CFHR5: variants seen among roughly 807,000 people sequenced by gnomAD.
The protein encoded by CFHR5 is complement factor H-related protein 5.
Under a neutral mutation model 62.9 loss-of-function variants are expected in CFHR5, and 73 were observed. The observed-to-expected ratio is 1.16, with a 90% CI of 0.96 to 1.41. The LOEUF (loss-of-function observed/expected upper bound fraction) is 1.41. CFHR5 is among the 40% of genes most tolerant of loss of function. The pLI is 0.00. For synonymous variants in CFHR5, 249 were observed against 227.2 expected (o/e 1.10, Z -0.86); for missense variants, 779 against 679.9 (o/e 1.15, Z -1.62).
intron 1 of CFHR5, among the ~76,000 whole-genome samples, chr1:196,978,458 C>T (rs1016333107): frequency 1.3e-5 from 2 of 152,086 alleles, no homozygotes; most frequent in African/African-American, 4.8e-5. Flanking sequence ...TATGTGTGTA[C>T]GTGAAGTTTC....
intron 3 of CFHR5, 97 bp from the exon 4 acceptor site, chr1:196,993,983 T>C (rs1653918173): frequency 5.6e-6 from 5 of 890,844 alleles, no homozygotes; most frequent in Admixed American, 2.0e-5. Context: ...TTTTATACTC[T>C]GTATATGAAG....
chr1:196,994,222 A>G lies in CFHR5; in HGVS notation c.573A>G (p.Gln191=), dbSNP rs754586890. Residue 191 remains glutamine (Q), a synonymous_variant, in exon 4 of 10, where the codon CAA becomes CAG. Coordinates refer to ENST00000256785, the MANE Select transcript of CFHR5 (RefSeq NM_030787.4). ...GATCAGACTCAGTTCAATGTTACCA[A>G]TTTGGGTGGTCACCTAACTTTCCAA... ...RVGSDSVQCY[Q]FGWSPNFPTC... is the part of the protein sequence containing the mutation. The G allele has an allele frequency of 6.2e-7, 1 of 1,613,700 alleles. No individual in the cohort carries two copies. Among genetic ancestry groups the G allele is most frequent in the Non-Finnish European group, 8.5e-7 (1 of 1,179,766 alleles).
intron 1 of CFHR5, among the ~76,000 whole-genome samples, chr1:196,979,487 G>A (rs954448871): frequency 6.6e-6 from 1 of 152,068 alleles, no homozygotes; most frequent in Non-Finnish European, 1.5e-5. Flanking sequence ...GTGGGCAACT[G>A]TAGCACAAAT....
chr1:196,982,864 G>T (rs374698178), intron 1 of CFHR5, 21 bp from the exon 2 acceptor site: 10 of 1,600,070 alleles, frequency 6.2e-6, no homozygotes, highest in Non-Finnish European at 8.6e-6. Context: ...TAATTCTTCA[G>T]TTTTGTGTTA....
At chr1:197,002,799 A>T in intron 8 of CFHR5, 135 bp downstream of exon 8, 1 of 706,706 alleles carries the variant, frequency 1.4e-6, no homozygotes. Flanking sequence ...CTAAGTAACC[A>T]ATTCTGTCAT....
intron 3 of CFHR5, among the ~76,000 whole-genome samples, chr1:196,990,700 C>T (rs1027463606): frequency 6.6e-6 from 1 of 152,104 alleles, no homozygotes; most frequent in African/African-American, 2.4e-5. Flanking sequence ...ATATTGGCCC[C>T]CACTCTCTTC....
rs561907059 is a variant in CFHR5 at position 196,989,887 on chromosome 1, C to T, written c.431-4193C>T. ...GAGTTCTGTAGATGTCTATTAGGTCCGCTTGGTGCAGAGCTGATTTCAAGT... is the reference window on the plus strand; with the variant it reads ...GAGTTCTGTAGATGTCTATTAGGTCTGCTTGGTGCAGAGCTGATTTCAAGT... On this transcript the variant is annotated intron_variant, in intron 3 of 9. Transcript: ENST00000256785. 9.9e-5 allele frequency among the ~76,000 whole-genome samples: 15 copies of T among 152,116 alleles called. No individual in the cohort carries two copies. In the South Asian group the frequency reaches 2.1e-3, roughly 21 times the overall value.
intron 2 of CFHR5, 111 bp downstream of exon 2, chr1:196,983,190 G>A: frequency 7.2e-7 from 1 of 1,396,792 alleles, no homozygotes; most frequent in Non-Finnish European, 1.0e-6. Context: ...CAGAGGAGCT[G>A]GAAAAATGGG....
At chr1:196,980,522 G>A (rs776161921) in intron 1 of CFHR5, among the ~76,000 whole-genome samples, 3 of 152,018 alleles carry the variant, frequency 2.0e-5, no homozygotes, top group Admixed American at 1.3e-4. Context: ...TGGGACCACT[G>A]TGATATAAGT....
intron 3 of CFHR5, among the ~76,000 whole-genome samples, chr1:196,988,088 C>A (rs1484389680): frequency 6.6e-6 from 1 of 152,024 alleles, no homozygotes; most frequent in South Asian, 2.1e-4. Flanking sequence ...TCTTCACATC[C>A]CTTGTAAATA....
intron 4 of CFHR5, 93 bp downstream of exon 4, chr1:196,994,349 C>G (rs1230787429): frequency 1.9e-6 from 2 of 1,053,938 alleles, no homozygotes; most frequent in Non-Finnish European, 2.9e-6. Context: ...CATCTATAAT[C>G]TGACAAAGTG....
chr1:196,999,000 T>C (rs993875988), intron 7 of CFHR5, among the ~76,000 whole-genome samples: 3 of 151,982 alleles, frequency 2.0e-5, no homozygotes, highest in Non-Finnish European at 2.9e-5. Context: ...CAACCAGTCA[T>C]TCTATGTACC....
At chr1:197,007,525 G>A (rs893731052) in intron 9 of CFHR5, among the ~76,000 whole-genome samples, 1 of 151,446 alleles carries the variant, frequency 6.6e-6, no homozygotes, top group Non-Finnish European at 1.5e-5. Context: ...ATAACATAAA[G>A]ACTTGGCAAG....
chr1:196,995,574 A>G (rs1371256820), intron 4 of CFHR5, 143 bp from the exon 5 acceptor site: 6 of 697,198 alleles, frequency 8.6e-6, no homozygotes, highest in African/African-American at 1.8e-5. Context: ...TCAATACACT[A>G]TGTACACTGC....
At chr1:196,995,106 A>C (rs1300490656) in intron 4 of CFHR5, among the ~76,000 whole-genome samples, 1 of 152,158 alleles carries the variant, frequency 6.6e-6, no homozygotes, top group African/African-American at 2.4e-5. Flanking sequence ...ATAACTATAC[A>C]TTGCATATGT....
chr1:196,997,313 T>A (rs972128148), intron 6 of CFHR5, among the ~76,000 whole-genome samples: 2 of 152,156 alleles, frequency 1.3e-5, no homozygotes, highest in African/African-American at 2.4e-5. Flanking sequence ...AGATCATATA[T>A]CTTCATGGTC....
intron 7 of CFHR5, 104 bp from the exon 8 acceptor site, chr1:197,002,376 AGT>A (rs542991660): frequency 1.5e-4 from 109 of 734,630 alleles, no homozygotes; most frequent in Non-Finnish European, 1.9e-4. Context: ...AGAGAGACAT[AGT>A]GTGTGTGTGT....
Position 196,998,360 on chromosome 1 carries a change from A to G in CFHR5, c.1147+56A>G. 3 of 1,359,922 alleles carry G rather than the reference A, an allele frequency of 2.2e-6. No homozygotes were observed. In the Admixed American group the frequency reaches 5.2e-5, roughly 24 times the overall value. The allele number at this position is 1,359,922 out of a possible 1,614,324, so 84.2% of individuals were successfully genotyped here. A position where few individuals can be genotyped will look rare whatever the true frequency, so the allele number is the denominator to read the frequency against. ...TTGTTGCTTCTTTACAAGAAAAATT[A>G]TTTTGAAATTAGAATGTTTTTAAAT... On this transcript the variant is annotated intron_variant, in intron 7 of 9. Coordinates refer to ENST00000256785, the MANE Select transcript of CFHR5 (RefSeq NM_030787.4).
intron 3 of CFHR5, among the ~76,000 whole-genome samples, 185 bp downstream of exon 3, chr1:196,984,322 A>G (rs552474454): frequency 6.6e-6 from 1 of 152,300 alleles, no homozygotes. Context: ...TATAAATCAA[A>G]TGTACGTAAT....
Sources: allele counts gnomAD v4.1 joint callset (sites outside exome capture counted in the v4.1 genomes callset), GRCh38; gene constraint gnomAD v4.1.1; transcripts MANE v1.5; gene names NCBI Gene and HGNC (gene_info 2026-07-23, HGNC 2026-07-21).